The following SYT12 variants were observed in gnomAD, a reference collection of about 807,000 sequenced individuals.
The protein encoded by SYT12 is synaptotagmin 12.
SYT12 carries 27 observed loss-of-function variants against 39.5 expected under a neutral mutation model. That is an observed-to-expected ratio of 0.68 (90% confidence interval 0.50 to 0.94). The LOEUF (loss-of-function observed/expected upper bound fraction) is 0.94, where lower values mean the gene tolerates loss of function less well. SYT12 is among the 40% of genes least tolerant of loss of function. SYT12 has a pLI of 0.00. For synonymous variants in SYT12, 233 were observed against 239.7 expected (o/e 0.97, Z 0.26); for missense variants, 536 against 572.6 (o/e 0.94, Z 0.65).
chr11:67,040,837 C>T (rs1034561972), intron 4 of SYT12, among the ~76,000 whole-genome samples: 1 of 147,630 alleles, frequency 6.8e-6, no homozygotes, highest in Non-Finnish European at 1.5e-5. Flanking sequence ...GACTCTGTCT[C>T]AAAATAAATA....
intron 7 of SYT12, among the ~76,000 whole-genome samples, chr11:67,046,334 C>T (rs972801696): frequency 2.6e-5 from 4 of 152,224 alleles, no homozygotes; most frequent in Non-Finnish European, 5.9e-5. Context: ...AGACCTCTCC[C>T]AGCAGGGACA....
At chr11:67,021,371 C>A (rs1950108428), upstream of SYT12, among the ~76,000 whole-genome samples, 1 of 151,644 alleles carries the variant, frequency 6.6e-6, no homozygotes, top group Non-Finnish European at 1.5e-5. Context: ...GCTGCCCAGG[C>A]CAATCTCGGC....
At chr11:67,028,715 G>A (rs996384266) in intron 1 of SYT12, 2 of 152,194 alleles carry the variant, frequency 1.3e-5, no homozygotes, top group Non-Finnish European at 2.9e-5. Flanking sequence ...TTTATACTGC[G>A]TCTGAATGGT....
intron 1 of SYT12, among the ~76,000 whole-genome samples, chr11:67,025,873 C>T (rs1445695075): frequency 6.6e-6 from 1 of 152,014 alleles, no homozygotes; most frequent in Non-Finnish European, 1.5e-5. Context: ...TGAGGGTTGT[C>T]ACTGCTAATG....
chr11:67,010,799 A>C (rs570751818), intron 2 of SYT12: 7 of 152,272 alleles, frequency 4.6e-5, no homozygotes, highest in South Asian at 2.1e-4. Context: ...TGGTGCCCAC[A>C]CCTTTTTTTG....
rs1854544269 is a variant in SYT12, at chr11:67,046,143, G to A, written c.1092+266G>A. 2.0e-5 allele frequency among the ~76,000 whole-genome samples: 3 copies of A among 152,160 alleles called. No homozygotes were observed. The South Asian group carries it at 6.2e-4, about 32-fold the overall frequency. On this transcript the variant is annotated intron_variant, in intron 7 of 7. Transcript: ENST00000527043. ...CCTCAGGTGAGGGGGGATTCCTGCA[G>A]GAGGGGATACCCAGCTCTGAGGGAG...
intron 3 of SYT12, among the ~76,000 whole-genome samples, chr11:67,035,609 C>T (rs919797993): frequency 6.6e-5 from 10 of 151,462 alleles, no homozygotes; most frequent in Non-Finnish European, 1.5e-4. Context: ...AGGCACCCGC[C>T]ACCATGCCCA....
At chr11:67,033,171 A>G (rs1405329675) in intron 2 of SYT12, among the ~76,000 whole-genome samples, 1 of 97,736 alleles carries the variant, frequency 1.0e-5, no homozygotes, top group East Asian at 3.2e-4. Context: ...CACTCTGCCC[A>G]CTCTGGGCTT....
intron 6 of SYT12, chr11:67,045,532 C>A: frequency 1.5e-6 from 1 of 667,954 alleles, no homozygotes; most frequent in Non-Finnish European, 2.4e-6. Context: ...GCTGCCTGAG[C>A]ACAAAGCCCA....
chr11:67,008,641 C>T (rs1467093030), intron 1 of SYT12, among the ~76,000 whole-genome samples: 2 of 152,066 alleles, frequency 1.3e-5, no homozygotes, highest in African/African-American at 4.8e-5. Flanking sequence ...ACCTCCACCG[C>T]CTGGGTTCAA....
At position 67,048,677 on chromosome 11, in the gene SYT12, A is replaced by G. The variant is rs1854650080; in HGVS notation, c.1186A>G (p.Met396Val). The G allele has an allele frequency of 6.2e-7, 1 of 1,613,004 alleles. No individual in the cohort carries two copies. Among genetic ancestry groups the G allele is most frequent in the East Asian group, 2.2e-5 (1 of 44,856 alleles). Residue 396 changes from methionine (M) to valine (V), a missense_variant, in exon 8 of 8, where the codon ATG becomes GTG. Met to Val is a conservative substitution (Grantham distance 21, BLOSUM62 1). Coordinates refer to ENST00000527043, the MANE Select transcript of SYT12 (RefSeq NM_177963.4). ...CATCATTGGGCCGTCAGCCAGTGGC[A>G]TGGGAACCACACATTGGAACCAGAT... The part of the protein sequence containing the change: ...HVIIGPSASG[M>V]GTTHWNQMLA...
chr11:67,007,819 C>T lies in SYT12; in HGVS notation c.-485+364C>T, dbSNP rs1949983098. 1.3e-5 allele frequency among the ~76,000 whole-genome samples: 2 copies of T among 151,916 alleles called. 1 individual carries two copies. Among genetic ancestry groups the T allele is most frequent in the South Asian group, 4.1e-4 (2 of 4,820 alleles). Reference sequence around the variant, plus strand: ...ACTCAGGTGATCCACCCTCCTTGGCCTCCCGAAGTGCTGGGATTACAGGTG... The same window carrying T: ...ACTCAGGTGATCCACCCTCCTTGGCTTCCCGAAGTGCTGGGATTACAGGTG... On this transcript the variant is annotated intron_variant, in intron 1 of 10. Coordinates refer to the SYT12 transcript ENST00000393946.
intron 7 of SYT12, among the ~76,000 whole-genome samples, chr11:67,047,049 C>A (rs1385682407): frequency 6.6e-6 from 1 of 151,976 alleles, no homozygotes; most frequent in Non-Finnish European, 1.5e-5. Context: ...ACTGCAACCT[C>A]CGCCTCCTGG....
upstream of SYT12, among the ~76,000 whole-genome samples, chr11:67,020,489 A>G (rs1950098020): frequency 2.0e-5 from 3 of 152,250 alleles, no homozygotes; most frequent in Non-Finnish European, 4.4e-5. Context: ...TGTACAAATC[A>G]TCAGTGTACA....
intron 7 of SYT12, among the ~76,000 whole-genome samples, chr11:67,046,258 T>C (rs1001191605): frequency 2.0e-5 from 3 of 152,010 alleles, no homozygotes; most frequent in Non-Finnish European, 2.9e-5. Flanking sequence ...TCTCCCAAGC[T>C]CCATTTCAGG....
intron 7 of SYT12, among the ~76,000 whole-genome samples, chr11:67,047,777 CTTTTTTTTTTTTTTTT>C (rs1173796349): frequency 2.6e-5 from 2 of 76,060 alleles, no homozygotes; most frequent in Admixed American, 1.3e-4. Flanking sequence ...ACCCCCATCT[CTTTTTTTTTTTTTTTT>C]TTTTTTTTTT....
intron 3 of SYT12, among the ~76,000 whole-genome samples, chr11:67,039,194 TCAGGAGGCTGAGG>T (rs971825284): frequency 1.5e-4 from 23 of 151,542 alleles, no homozygotes; most frequent in Non-Finnish European, 2.5e-4. Context: ...TCCCGGGTCC[TCAGGAGGCTGAGG>T]CAGGAGAATT....
intron 7 of SYT12, among the ~76,000 whole-genome samples, chr11:67,047,443 T>C (rs1854593884): frequency 1.3e-5 from 2 of 150,898 alleles, no homozygotes; most frequent in African/African-American, 4.9e-5. Context: ...AAGTTTTGTA[T>C]TTTTGGTAGA....
At chr11:67,013,057 G>C (rs1293373889) in intron 3 of SYT12, among the ~76,000 whole-genome samples, 2 of 152,230 alleles carry the variant, frequency 1.3e-5, no homozygotes, top group Non-Finnish European at 2.9e-5. Flanking sequence ...GCAGGCCCCA[G>C]AGTCCGGAAG....
Sources: allele counts gnomAD v4.1 joint callset (sites outside exome capture counted in the v4.1 genomes callset), GRCh38; gene constraint gnomAD v4.1.1; transcripts MANE v1.5; gene names NCBI Gene and HGNC (gene_info 2026-07-23, HGNC 2026-07-21).